Variants in WWOX observed in about 807,000 individuals in gnomAD.
WWOX encodes WW domain-containing oxidoreductase.
In WWOX, 69 loss-of-function variants were observed where a neutral mutation model predicts 46.2. The observed-to-expected ratio is 1.49, with a 90% CI of 1.23 to 1.82. The LOEUF is 1.82. Ranked by LOEUF, WWOX falls within the 40% of genes most tolerant of loss-of-function variation. The pLI, the probability that WWOX is intolerant of heterozygous loss-of-function variation, is 0.00. For synonymous variants in WWOX, 359 were observed against 202.6 expected, an observed-to-expected ratio of 1.77 and a Z score of -6.56; for missense variants, 919 against 542.6, an observed-to-expected ratio of 1.69 and a Z score of -6.89.
intron 8 of WWOX, among the ~76,000 whole-genome samples, chr16:78,901,877 C>T (rs922416244): frequency 6.6e-6 from 1 of 152,236 alleles, no homozygotes; most frequent in Non-Finnish European, 1.5e-5. Flanking sequence ...ACACGGGCCT[C>T]TCCTACAAAT....
chr16:78,442,904 C>T (rs1295406747), intron 8 of WWOX, among the ~76,000 whole-genome samples: 12 of 151,930 alleles, frequency 7.9e-5, no homozygotes, highest in African/African-American at 2.2e-4. Context: ...GGGCGAATCA[C>T]GAGGTCAGGA....
chr16:79,030,522 C>G (rs2047732002), intron 8 of WWOX, among the ~76,000 whole-genome samples: 1 of 152,210 alleles, frequency 6.6e-6, no homozygotes, highest in Admixed American at 6.5e-5. Context: ...GCACTGACAC[C>G]AGACCAGGCG....
chr16:78,717,137 G>T (rs770321655), intron 8 of WWOX, among the ~76,000 whole-genome samples: 1 of 152,184 alleles, frequency 6.6e-6, no homozygotes, highest in Non-Finnish European at 1.5e-5. Context: ...GAGAACAGAG[G>T]TGCTCTGTGT....
chr16:78,387,470 C>T (rs2082083959), intron 6 of WWOX, among the ~76,000 whole-genome samples: 1 of 152,024 alleles, frequency 6.6e-6, no homozygotes, highest in Admixed American at 6.6e-5. Context: ...CCTTTTCAGT[C>T]TTTCAAAATT....
chr16:79,153,793 G>A (rs765612169), intron 8 of WWOX, among the ~76,000 whole-genome samples: 4 of 152,048 alleles, frequency 2.6e-5, no homozygotes, highest in Non-Finnish European at 5.9e-5. Flanking sequence ...CTGTTTATGG[G>A]TAGGAGAATG....
chr16:79,075,736 A>G (rs1001297600), intron 8 of WWOX, among the ~76,000 whole-genome samples: 5 of 152,086 alleles, frequency 3.3e-5, no homozygotes, highest in Non-Finnish European at 7.4e-5. Context: ...TATTTTTAGT[A>G]GAGATGGGGT....
At chr16:78,460,215 C>G (rs1284054857) in intron 8 of WWOX, among the ~76,000 whole-genome samples, 1 of 151,930 alleles carries the variant, frequency 6.6e-6, no homozygotes, top group African/African-American at 2.4e-5. Flanking sequence ...GCAACCTGTG[C>G]CTCCCGGATT....
intron 8 of WWOX, among the ~76,000 whole-genome samples, chr16:78,639,943 G>A (rs981629947): frequency 4.6e-5 from 7 of 152,124 alleles, no homozygotes; most frequent in African/African-American, 1.7e-4. Context: ...GAGGGAGTGG[G>A]AGGCAGGTGT....
At chr16:78,099,925 C>T (rs756615224) in intron 1 of WWOX, 40 bp downstream of exon 1, 23 of 1,545,384 alleles carry the variant, frequency 1.5e-5, no homozygotes, top group Non-Finnish European at 2.0e-5. Context: ...CACCTGGGAC[C>T]CTGCACAGCC....
intron 8 of WWOX, among the ~76,000 whole-genome samples, chr16:78,596,989 A>G (rs971401230): frequency 1.3e-5 from 2 of 152,192 alleles, no homozygotes; most frequent in Non-Finnish European, 2.9e-5. Flanking sequence ...CAGTTTAAAG[A>G]CAAATCCTTT....
intron 8 of WWOX, among the ~76,000 whole-genome samples, chr16:79,156,518 C>G (rs796162215): frequency 2.6e-5 from 4 of 152,170 alleles, no homozygotes; most frequent in African/African-American, 9.6e-5. Flanking sequence ...ATTTGCCACA[C>G]CAAGTAGAAG....
At chr16:79,210,609 C>T (rs2051697285) in intron 8 of WWOX, among the ~76,000 whole-genome samples, 1 of 152,190 alleles carries the variant, frequency 6.6e-6, no homozygotes, top group Non-Finnish European at 1.5e-5. Context: ...GCAGCTAGGG[C>T]TCTGAAACAC....
intron 8 of WWOX, among the ~76,000 whole-genome samples, chr16:79,008,400 A>G (rs1230537233): frequency 6.6e-6 from 1 of 152,204 alleles, no homozygotes; most frequent in Non-Finnish European, 1.5e-5. Flanking sequence ...TCAGGCCTCC[A>G]TGACATCTGC....
At chr16:78,772,909 C>G (rs1158987029) in intron 8 of WWOX, among the ~76,000 whole-genome samples, 1 of 152,022 alleles carries the variant, frequency 6.6e-6, no homozygotes, top group African/African-American at 2.4e-5. Context: ...GCTGTAGTCC[C>G]AATTACTCAG....
intron 5 of WWOX, among the ~76,000 whole-genome samples, chr16:78,324,921 T>C (rs930396237): frequency 6.6e-6 from 1 of 152,212 alleles, no homozygotes; most frequent in Non-Finnish European, 1.5e-5. Context: ...TCGTATGGTA[T>C]GTCAATTATA....
chr16:79,077,058 C>T (rs1419532950), intron 8 of WWOX, among the ~76,000 whole-genome samples: 1 of 152,062 alleles, frequency 6.6e-6, no homozygotes, highest in Non-Finnish European at 1.5e-5. Context: ...TAAGGTTCCA[C>T]GTAATAATTT....
At chr16:79,028,824 C>A (rs1272742713) in intron 8 of WWOX, among the ~76,000 whole-genome samples, 2 of 151,820 alleles carry the variant, frequency 1.3e-5, no homozygotes, top group Non-Finnish European at 2.9e-5. Context: ...GTTTTCCAAT[C>A]TTCAAACCAA....
At chr16:78,509,166 T>A (rs1394855047) in intron 8 of WWOX, among the ~76,000 whole-genome samples, 1 of 152,188 alleles carries the variant, frequency 6.6e-6, no homozygotes, top group Non-Finnish European at 1.5e-5. Context: ...TTGCCGGGCA[T>A]GGTGGTTCAC....
chr16:78,136,863 C>A (rs2033808586), intron 4 of WWOX, among the ~76,000 whole-genome samples: 2 of 152,096 alleles, frequency 1.3e-5, no homozygotes, highest in Non-Finnish European at 2.9e-5. Context: ...CTGACCACCA[C>A]AATTAGACAG....
Sources: gnomAD v4.1 joint callset for allele counts (sites outside exome capture counted in the v4.1 genomes callset) on GRCh38, gnomAD v4.1.1 for gene constraint, MANE v1.5 for transcripts, NCBI Gene and HGNC (gene_info 2026-07-23, HGNC 2026-07-21) for gene names.